Variants in FAAP100 observed in about 807,000 individuals in gnomAD.
FAAP100 encodes FA core complex associated protein 100.
FAAP100 carries 46 observed loss-of-function variants against 65.8 expected under a neutral mutation model. The observed-to-expected ratio is 0.70, with a 90% CI of 0.55 to 0.89. The LOEUF is 0.89. Among genes scored for constraint, FAAP100 ranks in the 40% least tolerant of loss-of-function variants. The pLI is 0.00. For missense variants in FAAP100, 1,165 were observed against 1,196.7 expected (o/e 0.97, Z 0.39); for synonymous variants, 663 against 555.1 (o/e 1.19, Z -2.73).
chr17:81,540,718 C>T lies in FAAP100; in HGVS notation c.*101G>A. 1 of 1,376,186 alleles carries T rather than the reference C, an allele frequency of 7.3e-7. No individual in the cohort carries two copies. Among genetic ancestry groups the T allele is most frequent in the Non-Finnish European group, 9.5e-7 (1 of 1,057,450 alleles). The allele number at this position is 1,376,186 out of a possible 1,614,324, so 85.2% of individuals were successfully genotyped here. ...GGCCAGGTCCTACCTTCCCTGACGGCTCTGGCCAGGCCAGCTCGGTTTCCC... is the reference window on the plus strand; with the variant it reads ...GGCCAGGTCCTACCTTCCCTGACGGTTCTGGCCAGGCCAGCTCGGTTTCCC... On this transcript the variant is annotated 3_prime_UTR_variant, in exon 9 of 9. Transcript: ENST00000327787.
intron 4 of FAAP100, chr17:81,548,192 A>G: frequency 1.7e-6 from 1 of 590,768 alleles, no homozygotes; most frequent in Non-Finnish European, 3.0e-6. Flanking sequence ...TGGTTATGTG[A>G]GGGGAGCAGG....
In FAAP100 at chr17:81,551,001, G is replaced by T. The variant is rs775742987; in HGVS notation, c.493C>A (p.Arg165=). The T allele has an allele frequency of 6.2e-7, 1 of 1,611,496 alleles. No homozygotes were observed. Among genetic ancestry groups the T allele is most frequent in the Admixed American group, 1.7e-5 (1 of 59,890 alleles). The change falls in exon 3 of 9, where the codon CGG becomes AGG. Residue 165 remains arginine (R), a synonymous_variant. Transcript: ENST00000327787. ...FEQPCPGEDP[R]PGGQIGEVEL... is the part of the protein sequence containing the mutation. ...ACCTCACCGATCTGGCCTCCTGGCC[G>T]GGGGTCCTCCCCAGGACAGGGCTGC...
upstream of FAAP100, chr17:81,552,384 G>T (rs1322983163): frequency 3.8e-6 from 5 of 1,302,716 alleles, no homozygotes; most frequent in African/African-American, 4.7e-5. Context: ...CGGCGGCTCC[G>T]CCTCGGAGCG....
rs769819692 is a variant in FAAP100 at position 81,550,944 on chromosome 17, C to T, written c.550G>A (p.Val184Ile). 4.3e-6 allele frequency: 7 copies of T among 1,612,130 alleles called. No homozygotes were observed. The highest frequency in any genetic ancestry group is 1.7e-5 in the Admixed American group (1 of 59,942). Residue 184 changes from valine (V) to isoleucine (I), a missense_variant, in exon 3 of 9, where the codon GTC (valine) becomes ATC (isoleucine). Coordinates refer to ENST00000327787, the MANE Select transcript of FAAP100 (RefSeq NM_025161.6). ...TGGGGGGCTGCAGGCTTTCCTGGGACCCCGGCTGGGGGCGTGTAGGAGGAC... is the reference window on the plus strand; with the variant it reads ...TGGGGGGCTGCAGGCTTTCCTGGGATCCCGGCTGGGGGCGTGTAGGAGGAC... Reference protein sequence around the residue: ...ELSSYTPPAGVPGKPAAPHFL... With the variant: ...ELSSYTPPAGIPGKPAAPHFL...
Position 81,540,267 on chromosome 17 carries a change from G to A in FAAP100, c.*552C>T, listed in dbSNP as rs371937126. ...TGCTGTTTTGTGCTTTGGTCTCAGGGAGCACCCTCCTACCTCGGGGTCCCA... is the reference window on the plus strand; with the variant it reads ...TGCTGTTTTGTGCTTTGGTCTCAGGAAGCACCCTCCTACCTCGGGGTCCCA... On this transcript the variant is annotated 3_prime_UTR_variant, in exon 9 of 9. Transcript: ENST00000327787. The A allele has an allele frequency of 4.8e-5, 19 of 398,930 alleles. No individual in the cohort carries two copies. Among genetic ancestry groups the A allele is most frequent in the East Asian group, 4.6e-4 (13 of 28,100 alleles). 24.7% of individuals were successfully genotyped at this position (398,930 alleles called of 1,614,324 possible).
rs142464441 is a variant in FAAP100 at position 81,539,910 on chromosome 17, G to A, written c.*909C>T. On this transcript the variant is annotated 3_prime_UTR_variant, in exon 9 of 9. Coordinates refer to ENST00000327787, the MANE Select transcript of FAAP100 (RefSeq NM_025161.6). ...TGAAGGTTCACGGACAGACAGGGTC[G>A]TTTGTCACAGCAGAGAAGCACCTCA... 3.5e-5 allele frequency: 14 copies of A among 398,838 alleles called. No individual in the cohort carries two copies. The highest frequency in any genetic ancestry group is 1.3e-4 in the South Asian group (1 of 7,868). The allele number at this position is 398,838 out of a possible 1,614,324, so 24.7% of individuals were successfully genotyped here. A position where few individuals can be genotyped will look rare whatever the true frequency, so the allele number is the denominator to read the frequency against.
chr17:81,551,838 C>T (rs1276940128), intron 2 of FAAP100, 90 bp downstream of exon 2: 1 of 1,400,874 alleles, frequency 7.1e-7, no homozygotes, highest in Non-Finnish European at 9.2e-7. Flanking sequence ...CAGCCCGGGT[C>T]CCCAAGCGCG....
At chr17:81,548,094 TGAAAACCAGGG>T in intron 4 of FAAP100, 1 of 629,222 alleles carries the variant, frequency 1.6e-6, no homozygotes, top group South Asian at 1.8e-5. Context: ...GCCTTCACAG[TGAAAACCAGGG>T]GGGTCGCAGG....
chr17:81,542,887 T>C (rs546763619), intron 7 of FAAP100, among the ~76,000 whole-genome samples: 1 of 152,352 alleles, frequency 6.6e-6, no homozygotes, highest in Admixed American at 6.5e-5. Context: ...GATGGTCCAG[T>C]GGGCAGAGTT....
In FAAP100 at chr17:81,549,363, C is replaced by G; in HGVS notation, c.1247-1G>C. 1 of 1,604,876 alleles carries G rather than the reference C, an allele frequency of 6.2e-7. No individual in the cohort carries two copies. Among genetic ancestry groups the G allele is most frequent in the Non-Finnish European group, 8.5e-7 (1 of 1,175,932 alleles). On this transcript the variant is annotated splice_acceptor_variant, in intron 3 of 8. Coordinates refer to ENST00000327787, the MANE Select transcript of FAAP100 (RefSeq NM_025161.6). LOFTEE classifies it high-confidence loss of function. Reference sequence around the variant, plus strand: ...GACAGGGCCAGGAGCTTGGTGCCACCTGGTGACAGACACACATGGGGCCTG... The same window carrying G: ...GACAGGGCCAGGAGCTTGGTGCCACGTGGTGACAGACACACATGGGGCCTG...
intron 5 of FAAP100, 123 bp downstream of exon 5, chr17:81,546,786 C>T (rs780174475): frequency 4.0e-5 from 42 of 1,058,420 alleles, no homozygotes; most frequent in South Asian, 1.1e-4. Context: ...GCCAGGAGCT[C>T]GAGGCTGCAG....
chr17:81,546,827 C>G, intron 5 of FAAP100, 82 bp downstream of exon 5: 7 of 1,308,124 alleles, frequency 5.4e-6, no homozygotes, highest in Non-Finnish European at 6.9e-6. Flanking sequence ...GCACTCCAGC[C>G]TGGGCAACAG....
intron 3 of FAAP100, 56 bp downstream of exon 3, chr17:81,550,192 C>A: frequency 6.7e-7 from 1 of 1,488,148 alleles, no homozygotes; most frequent in South Asian, 1.3e-5. Context: ...AGCAGACAGC[C>A]AAAAAGGGTG....
At chr17:81,551,804 C>T in intron 2 of FAAP100, 124 bp downstream of exon 2, 2 of 1,381,122 alleles carry the variant, frequency 1.4e-6, no homozygotes, top group South Asian at 1.6e-5. Context: ...GCAGGGATGG[C>T]GGCCGAGGCT....
Position 81,552,214 on chromosome 17 carries a change from G to A in FAAP100, c.117C>T (p.Thr39=), listed in dbSNP as rs896030286. Residue 39 remains threonine, a synonymous_variant, in exon 1 of 9, where the codon ACC becomes ACT. Coordinates refer to ENST00000327787, the MANE Select transcript of FAAP100 (RefSeq NM_025161.6). Reference sequence around the variant, plus strand: ...CGTACACGTAGACGAGCTCGCTCCCGGTGGACAGGAAGACCTCTGCCTCAT... The same window carrying A: ...CGTACACGTAGACGAGCTCGCTCCCAGTGGACAGGAAGACCTCTGCCTCAT... ...LCHEAEVFLS[T]GSELVYVYDQ... is the part of the protein sequence containing the mutation. 1 of 1,500,358 alleles carries A rather than the reference G, an allele frequency of 6.7e-7. No homozygotes were observed. Among genetic ancestry groups the A allele is most frequent in the Non-Finnish European group, 8.8e-7 (1 of 1,131,380 alleles). The allele number at this position is 1,500,358 out of a possible 1,614,324, so 92.9% of individuals were successfully genotyped here. A position where few individuals can be genotyped will look rare whatever the true frequency, so the allele number is the denominator to read the frequency against.
At chr17:81,546,883 G>C in intron 5 of FAAP100, 26 bp downstream of exon 5, 1 of 1,367,552 alleles carries the variant, frequency 7.3e-7, no homozygotes, top group Non-Finnish European at 9.5e-7. Flanking sequence ...CCCCAAGGCT[G>C]AGCAAAGCCA....
chr17:81,543,596 T>C (rs1256441613), intron 7 of FAAP100, among the ~76,000 whole-genome samples: 1 of 152,096 alleles, frequency 6.6e-6, no homozygotes, highest in Non-Finnish European at 1.5e-5. Context: ...TTGGCAAAGA[T>C]GTGGAGGCTC....
Position 81,550,608 on chromosome 17 carries a change from C to T in FAAP100, c.886G>A (p.Glu296Lys). The T allele has an allele frequency of 6.2e-7, 1 of 1,612,968 alleles. No homozygotes were observed. The highest frequency in any genetic ancestry group is 1.1e-5 in the South Asian group (1 of 91,088). ...TCAGGCAGAAAATTCTCTGCAGCTT[C>T]TGCAGCCTGTGGCTCTGTCTTCAAG... ...GALKTEPQAA[E>K]AAENFLPDED... The change falls in exon 3 of 9, where the codon GAA becomes AAA. Residue 296 changes from glutamate (E) to lysine (K), a missense_variant. By Grantham distance (56) the Glu-to-Lys change is moderately conservative (BLOSUM62 1). Coordinates refer to ENST00000327787, the MANE Select transcript of FAAP100 (RefSeq NM_025161.6).
rs1351670762 is a variant in FAAP100, at chr17:81,552,311, C to G, written c.20G>C (p.Arg7Pro). The change falls in exon 1 of 9, where the codon CGG becomes CCG. Residue 7 changes from arginine to proline, a missense_variant. Coordinates refer to ENST00000327787, the MANE Select transcript of FAAP100 (RefSeq NM_025161.6). The stretch of plus-strand genomic sequence containing the variant: ...GCAGAAGCCCGCCAGGTAGCGGACC[C>G]GCGGCGCGGCGCCGGCCATCGTGCG... The part of the protein sequence containing the change: MAGAAP[R>P]VRYLAGFCCP... 1.4e-6 allele frequency: 2 copies of G among 1,408,930 alleles called. No homozygotes were observed. The highest frequency in any genetic ancestry group is 1.8e-6 in the Non-Finnish European group (2 of 1,090,812). The allele number at this position is 1,408,930 out of a possible 1,614,324, so 87.3% of individuals were successfully genotyped here. A position where few individuals can be genotyped will look rare whatever the true frequency, so the allele number is the denominator to read the frequency against.
Sources: allele counts gnomAD v4.1 joint callset (sites outside exome capture counted in the v4.1 genomes callset), GRCh38; gene constraint gnomAD v4.1.1; transcripts MANE v1.5; gene names NCBI Gene and HGNC (gene_info 2026-07-23, HGNC 2026-07-21).